Variants in CPE observed in about 807,000 individuals in gnomAD.
CPE encodes the protein carbocypeptidase E.
A neutral mutation model predicts 53.5 loss-of-function variants in CPE; 17 were observed. The observed-to-expected ratio is 0.32, with a 90% CI of 0.22 to 0.48. The LOEUF is 0.48. Ranked by LOEUF, CPE falls within the 20% of genes least tolerant of loss-of-function variation. The pLI, the probability that CPE is intolerant of heterozygous loss-of-function variation, is 0.99. For missense variants in CPE, 524 were observed against 614.7 expected (o/e 0.85, Z 1.56); for synonymous variants, 226 against 228.8 (o/e 0.99, Z 0.11).
intron 3 of CPE, among the ~76,000 whole-genome samples, chr4:165,479,194 CAT>C (rs1419535812): frequency 6.6e-6 from 1 of 152,130 alleles, no homozygotes; most frequent in Non-Finnish European, 1.5e-5. Context: ...ATATAAAAAA[CAT>C]AAATTCACTT....
At chr4:165,495,485 G>A in intron 7 of CPE, 74 bp from the exon 8 acceptor site, 1 of 965,396 alleles carries the variant, frequency 1.0e-6, no homozygotes, top group Non-Finnish European at 1.6e-6. Flanking sequence ...GTATTCCTTA[G>A]ATGGCATAAT....
At chr4:165,472,425 TTTG>T (rs142812110) in intron 3 of CPE, among the ~76,000 whole-genome samples, 22,111 of 152,140 alleles carry the variant, frequency 0.15, 1,943 homozygotes, top group East Asian at 0.23. Context: ...GCCAAGAAAA[TTTG>T]TTATTTCTGT....
At chr4:165,490,753 C>A (rs184302514) in intron 6 of CPE, among the ~76,000 whole-genome samples, 1 of 152,120 alleles carries the variant, frequency 6.6e-6, no homozygotes, top group East Asian at 1.9e-4. Context: ...AGGGCAGGAC[C>A]GAAGTATCTT....
chr4:165,379,611 A>C lies in CPE; in HGVS notation c.307+83A>C. 1 of 279,522 alleles carries C rather than the reference A, an allele frequency of 3.6e-6. No individual in the cohort carries two copies. Among genetic ancestry groups the C allele is most frequent in the Non-Finnish European group, 7.2e-6 (1 of 138,574 alleles). The allele number at this position is 279,522 out of a possible 1,614,324, so 17.3% of individuals were successfully genotyped here. ...TGGGACTGGTGGCGGTGGGGGAAGG[A>C]GGGAGGGATGGGCCCAGGGGTGCCT... On this transcript the variant is annotated intron_variant, in intron 1 of 8. Transcript: ENST00000402744. The surrounding 1 kb of genome is among the most constrained non-coding windows in gnomAD (Gnocchi z 6.0).
At chr4:165,485,642 C>A (rs1732494558) in intron 5 of CPE, among the ~76,000 whole-genome samples, 1 of 152,076 alleles carries the variant, frequency 6.6e-6, no homozygotes, top group Admixed American at 6.5e-5. Flanking sequence ...ACTTTAATGA[C>A]TTCTTGGAAT....
chr4:165,406,328 A>T, intron 1 of CPE: 1 of 553,010 alleles, frequency 1.8e-6, no homozygotes. Context: ...TGAGGCTGCC[A>T]ATCGCCCGGT....
intron 1 of CPE, among the ~76,000 whole-genome samples, chr4:165,407,234 A>G (rs1730967675): frequency 6.6e-6 from 1 of 152,096 alleles, no homozygotes; most frequent in South Asian, 2.1e-4. Context: ...CAATTTCTCT[A>G]TATCCTCGCC....
intron 1 of CPE, among the ~76,000 whole-genome samples, chr4:165,384,489 C>T (rs914755138): frequency 6.6e-6 from 1 of 152,118 alleles, no homozygotes; most frequent in Non-Finnish European, 1.5e-5. Flanking sequence ...GGCATGGTAG[C>T]ATTTGCCTGT....
intron 1 of CPE, among the ~76,000 whole-genome samples, chr4:165,442,762 T>C (rs1731637608): frequency 1.3e-5 from 2 of 152,162 alleles, no homozygotes; most frequent in African/African-American, 2.4e-5. Context: ...GCAGACCTTA[T>C]ATAAAACAAT....
At chr4:165,394,170 T>C (rs1376562267) in intron 1 of CPE, among the ~76,000 whole-genome samples, 1 of 152,162 alleles carries the variant, frequency 6.6e-6, no homozygotes, top group Non-Finnish European at 1.5e-5. Context: ...CAGTGCTCCA[T>C]AATGATTTGT....
intron 1 of CPE, among the ~76,000 whole-genome samples, chr4:165,456,568 C>G (rs1288815424): frequency 6.6e-6 from 1 of 151,870 alleles, no homozygotes; most frequent in Non-Finnish European, 1.5e-5. Flanking sequence ...CTCTCTCTCT[C>G]TCTCTCTTTC....
intron 3 of CPE, among the ~76,000 whole-genome samples, chr4:165,473,687 T>C (rs1732245115): frequency 6.6e-6 from 1 of 152,184 alleles, no homozygotes; most frequent in African/African-American, 2.4e-5. Context: ...TTGGAAAGCA[T>C]ATTTTTGCCC....
chr4:165,477,101 T>C (rs886184158), intron 3 of CPE, among the ~76,000 whole-genome samples: 5 of 152,222 alleles, frequency 3.3e-5, no homozygotes, highest in East Asian at 1.9e-4. Flanking sequence ...AGAAGAATGG[T>C]GAAATCAACT....
rs1317234163 is a variant in CPE, at chr4:165,484,491, C to T, written c.860C>T (p.Ser287Phe). The change falls in exon 5 of 9, where the codon TCT (serine) becomes TTT (phenylalanine). Residue 287 changes from serine to phenylalanine, a missense_variant. Transcript: ENST00000402744. ...CAAAGCTTGGCCCGGGCATACTCTTCTTTCAACCCGGCCATGTCTGACCCC... is the reference window on the plus strand; with the variant it reads ...CAAAGCTTGGCCCGGGCATACTCTTTTTTCAACCCGGCCATGTCTGACCCC... The part of the protein sequence containing the change: ...IFQSLARAYS[S>F]FNPAMSDPNR... 27 of 1,614,040 alleles carry T rather than the reference C, an allele frequency of 1.7e-5. No individual in the cohort carries two copies. Among genetic ancestry groups the T allele is most frequent in the Non-Finnish European group, 2.2e-5 (26 of 1,180,000 alleles).
Position 165,497,537 on chromosome 4 carries a change from C to A in CPE, c.1358C>A (p.Ser453Tyr). 6.4e-7 allele frequency: 1 copy of A among 1,570,354 alleles called. No individual in the cohort carries two copies. Among genetic ancestry groups the A allele is most frequent in the Non-Finnish European group, 8.6e-7 (1 of 1,161,184 alleles). Reference protein sequence around the residue: ...AGVDFELESFSERKEEEKEEL... With the variant: ...AGVDFELESFYERKEEEKEEL... ...GTTGATTTTGAACTGGAGTCATTTT[C>A]TGAAAGGAAAGAAGAGGAGAAGGAA... Residue 453 changes from serine to tyrosine, a missense_variant, in exon 9 of 9, where the codon TCT becomes TAT. Ser to Tyr is a moderately radical substitution (Grantham distance 144). Transcript: ENST00000402744.
At chr4:165,439,814 G>T (rs1731577350) in intron 1 of CPE, among the ~76,000 whole-genome samples, 1 of 152,104 alleles carries the variant, frequency 6.6e-6, no homozygotes, top group South Asian at 2.1e-4. Flanking sequence ...ACAACAAATA[G>T]AGCAAATGTC....
chr4:165,437,365 T>A (rs1003579413), intron 1 of CPE, among the ~76,000 whole-genome samples: 12 of 152,316 alleles, frequency 7.9e-5, no homozygotes, highest in African/African-American at 2.4e-4. Flanking sequence ...TTCAGCATAT[T>A]TTTTCAGAGC....
intron 5 of CPE, among the ~76,000 whole-genome samples, chr4:165,486,147 A>T (rs1732501545): frequency 6.6e-6 from 1 of 152,024 alleles, no homozygotes; most frequent in Non-Finnish European, 1.5e-5. Context: ...AGATAGCATG[A>T]TGTAACTCCC....
At chr4:165,414,477 A>C (rs929174436) in intron 1 of CPE, among the ~76,000 whole-genome samples, 8 of 152,182 alleles carry the variant, frequency 5.3e-5, no homozygotes, top group Non-Finnish European at 1.0e-4. Flanking sequence ...TTTCGAATGT[A>C]AGAAAAAGTT....
Sources: gnomAD v4.1 joint callset for allele counts (sites outside exome capture counted in the v4.1 genomes callset) on GRCh38, gnomAD v4.1.1 for gene constraint, Gnocchi (gnomAD v3.1) non-coding constraint, MANE v1.5 for transcripts, NCBI Gene and HGNC (gene_info 2026-07-23, HGNC 2026-07-21) for gene names.